Variants in SHISA9 observed in about 807,000 individuals in gnomAD.
SHISA9 encodes the protein protein shisa-9.
SHISA9 carries 13 observed loss-of-function variants against 38.0 expected under a neutral mutation model. The ratio of observed to expected loss-of-function variants is 0.34; its 90% confidence interval spans 0.22 to 0.54. The LOEUF (loss-of-function observed/expected upper bound fraction) is 0.54. Ranked by LOEUF, SHISA9 falls within the 20% of genes least tolerant of loss-of-function variation. SHISA9 has a pLI of 0.91. For synonymous variants in SHISA9, 275 were observed against 242.0 expected, an observed-to-expected ratio of 1.14 and a Z score of -1.27; for missense variants, 538 against 575.8, an observed-to-expected ratio of 0.93 and a Z score of 0.67.
At chr16:13,131,530 G>C (rs977934283) in intron 2 of SHISA9, among the ~76,000 whole-genome samples, 1 of 152,134 alleles carries the variant, frequency 6.6e-6, no homozygotes, top group Non-Finnish European at 1.5e-5. Flanking sequence ...TTAATACCAA[G>C]GTGATGGGTT....
the SHISA9 span, among the ~76,000 whole-genome samples, chr16:13,342,563 G>A: frequency 6.6e-6 from 1 of 152,174 alleles, no homozygotes; most frequent in African/African-American, 2.4e-5. Flanking sequence ...TGGGACTACA[G>A]GGGTGAGCCT....
the SHISA9 span, among the ~76,000 whole-genome samples, chr16:13,515,058 G>C: frequency 1.3e-5 from 2 of 152,018 alleles, no homozygotes; most frequent in Non-Finnish European, 2.9e-5. Context: ...AAGTACTAAA[G>C]AAAAAAGTCT....
intron 4 of SHISA9, among the ~76,000 whole-genome samples, chr16:13,219,884 G>C (rs909569599): frequency 1.3e-5 from 2 of 152,152 alleles, no homozygotes; most frequent in African/African-American, 4.8e-5. Context: ...CTTGAACCCA[G>C]GAGGCGGAGG....
At chr16:13,086,637 T>C (rs1011481840) in intron 2 of SHISA9, among the ~76,000 whole-genome samples, 2 of 151,740 alleles carry the variant, frequency 1.3e-5, no homozygotes, top group Non-Finnish European at 2.9e-5. Flanking sequence ...GACAGGGAAA[T>C]GGATTAGAAG....
chr16:13,376,314 A>G, the SHISA9 span, among the ~76,000 whole-genome samples: 1 of 152,236 alleles, frequency 6.6e-6, no homozygotes, highest in Non-Finnish European at 1.5e-5. Flanking sequence ...GAGTCATGGC[A>G]TAATAATTTG....
chr16:12,941,776 G>A (rs1394145575), intron 2 of SHISA9, among the ~76,000 whole-genome samples: 2 of 152,078 alleles, frequency 1.3e-5, no homozygotes, highest in Non-Finnish European at 2.9e-5. Context: ...GCTTGAACCC[G>A]GGAGGTGGAG....
intron 2 of SHISA9, among the ~76,000 whole-genome samples, chr16:13,157,148 T>TC (rs2050554375): frequency 6.6e-6 from 1 of 152,110 alleles, no homozygotes; most frequent in Non-Finnish European, 1.5e-5. Flanking sequence ...CATCCATCCA[T>TC]CATCCGTCCA....
the SHISA9 span, among the ~76,000 whole-genome samples, chr16:13,539,803 A>G: frequency 6.6e-6 from 1 of 152,034 alleles, no homozygotes; most frequent in Admixed American, 6.6e-5. Context: ...CTTTGTGTCC[A>G]TGTGTACTCA....
chr16:13,225,210 G>T (rs2051267190), intron 4 of SHISA9, among the ~76,000 whole-genome samples: 1 of 152,190 alleles, frequency 6.6e-6, no homozygotes, highest in African/African-American at 2.4e-5. Context: ...GCAACCACCA[G>T]AAATTCGAAG....
the SHISA9 span, among the ~76,000 whole-genome samples, chr16:13,469,411 A>AAGAAAGAAAGAAAGAAAGAG: frequency 7.1e-5 from 9 of 127,302 alleles, no homozygotes; most frequent in African/African-American, 2.2e-4. Context: ...GAAAGAAAGA[A>AAGAAAGAAAGAAAGAAAGAG]AGAAAGAAAG....
chr16:12,970,337 A>ACAGATATG, intron 2 of SHISA9, among the ~76,000 whole-genome samples: 1 of 87,398 alleles, frequency 1.1e-5, no homozygotes, highest in Non-Finnish European at 2.2e-5. Context: ...ATATATATAT[A>ACAGATATG]TATATACATA....
chr16:13,447,296 T>A, the SHISA9 span, among the ~76,000 whole-genome samples: 1 of 150,770 alleles, frequency 6.6e-6, no homozygotes, highest in Non-Finnish European at 1.5e-5. Context: ...AACAGGGGGG[T>A]TCCTAAGTCT....
chr16:13,325,478 T>C, the SHISA9 span, among the ~76,000 whole-genome samples: 1 of 152,194 alleles, frequency 6.6e-6, no homozygotes, highest in African/African-American at 2.4e-5. Flanking sequence ...TTGGCCAAGA[T>C]GGGATCCATT....
At chr16:13,515,711 GA>G in the SHISA9 span, among the ~76,000 whole-genome samples, 18,534 of 151,944 alleles carry the variant, frequency 0.12, 1,296 homozygotes, top group African/African-American at 0.2. Flanking sequence ...ACTTAATATA[GA>G]AACACACCAT....
chr16:13,377,997 C>T, the SHISA9 span, among the ~76,000 whole-genome samples: 1 of 152,076 alleles, frequency 6.6e-6, no homozygotes, highest in African/African-American at 2.4e-5. Context: ...TGTGCCACTG[C>T]ACTCCAGCCT....
At chr16:12,977,496 A>G (rs2072179290) in intron 2 of SHISA9, among the ~76,000 whole-genome samples, 1 of 152,222 alleles carries the variant, frequency 6.6e-6, no homozygotes, top group African/African-American at 2.4e-5. Context: ...AAATCATTCT[A>G]TCATGAAGAT....
chr16:13,176,827 C>T (rs1439812068), intron 2 of SHISA9, among the ~76,000 whole-genome samples: 1 of 152,036 alleles, frequency 6.6e-6, no homozygotes, highest in East Asian at 1.9e-4. Flanking sequence ...AGATCTGCAA[C>T]CCTCAGATCA....
intron 2 of SHISA9, among the ~76,000 whole-genome samples, chr16:13,158,167 T>G (rs1327675639): frequency 6.6e-6 from 1 of 152,188 alleles, no homozygotes; most frequent in Non-Finnish European, 1.5e-5. Flanking sequence ...GTTTTTCCAG[T>G]ATGTCCTCTC....
chr16:13,096,871 C>T (rs1334127957), intron 2 of SHISA9, among the ~76,000 whole-genome samples: 1 of 152,126 alleles, frequency 6.6e-6, no homozygotes, highest in Non-Finnish European at 1.5e-5. Context: ...GATGGCTCCT[C>T]TTCTTGTCAC....
Sources: allele counts gnomAD v4.1 joint callset (sites outside exome capture counted in the v4.1 genomes callset), GRCh38; gene constraint gnomAD v4.1.1; transcripts MANE v1.5; gene names NCBI Gene and HGNC (gene_info 2026-07-23, HGNC 2026-07-21).